Variants in FAAH2 observed in about 807,000 individuals in gnomAD.
FAAH2 encodes the protein fatty acid amide hydrolase 2.
In FAAH2, 60 loss-of-function variants were observed where a neutral mutation model predicts 36.9. The observed-to-expected ratio is 1.63, with a 90% CI of 1.32 to 2.02. FAAH2 has a LOEUF of 2.02. Ranked by LOEUF, FAAH2 falls within the 30% of genes most tolerant of loss-of-function variation. The pLI is 0.00. For synonymous variants in FAAH2, 214 were observed against 143.8 expected, an observed-to-expected ratio of 1.49 and a Z score of -3.49; for missense variants, 689 against 397.5, an observed-to-expected ratio of 1.73 and a Z score of -6.23.
At chrX:57,419,322 A>C (rs755133247) in intron 7 of FAAH2, among the ~76,000 whole-genome samples, 37 of 110,787 alleles carry the variant, frequency 3.3e-4, no homozygotes, top group East Asian at 1.7e-3. Flanking sequence ...GAACTAGTTT[A>C]CAGTCCCACC....
At chrX:57,380,604 A>G (rs936867373) in intron 6 of FAAH2, among the ~76,000 whole-genome samples, 1 of 111,516 alleles carries the variant, frequency 9.0e-6, no homozygotes, top group Non-Finnish European at 1.9e-5. Flanking sequence ...ACATCTTTAC[A>G]TATCTCTCCC....
intron 10 of FAAH2, among the ~76,000 whole-genome samples, chrX:57,476,272 G>A (rs768590993): frequency 9.0e-6 from 1 of 110,973 alleles, no homozygotes; most frequent in African/African-American, 3.3e-5. Context: ...CTTGTCTTCT[G>A]CTGGGTTTCA....
chrX:57,314,478 T>C (rs1291679974), intron 3 of FAAH2, among the ~76,000 whole-genome samples: 1 of 111,423 alleles, frequency 9.0e-6, no homozygotes, highest in Non-Finnish European at 1.9e-5. Flanking sequence ...ACACGGTCAG[T>C]CATACTTCAA....
At chrX:57,249,222 A>G in the FAAH2 span, among the ~76,000 whole-genome samples, 1 of 111,724 alleles carries the variant, frequency 9.0e-6, no homozygotes, top group East Asian at 2.8e-4. Flanking sequence ...AGCAACCAGA[A>G]CAGTCAGTTT....
At chrX:57,151,670 T>C in the FAAH2 span, among the ~76,000 whole-genome samples, 1 of 111,467 alleles carries the variant, frequency 9.0e-6, no homozygotes, top group Non-Finnish European at 1.9e-5. Flanking sequence ...TCTAATTTTT[T>C]TTTCAAAGTT....
At chrX:57,280,442 A>C in the FAAH2 span, among the ~76,000 whole-genome samples, 2 of 111,387 alleles carry the variant, frequency 1.8e-5, no homozygotes, top group Non-Finnish European at 3.8e-5. Context: ...TATAGATGTC[A>C]TATAAGCTTA....
chrX:57,124,338 G>A, the FAAH2 span, among the ~76,000 whole-genome samples: 13 of 110,678 alleles, frequency 1.2e-4, no homozygotes, highest in Admixed American at 1.9e-4. Flanking sequence ...ATTTCTGAGG[G>A]CTCTGTTCTG....
rs756221751 is a variant in FAAH2, at chrX:57,392,921, G to C, written c.996+11892G>C. ...CTTCAGCTTTGTGTTGAGCTTTGAG[G>C]AGTAATTCAATGTTGTCTGCTCCAT... On this transcript the variant is annotated intron_variant, in intron 7 of 10. Coordinates refer to ENST00000374900, the MANE Select transcript of FAAH2 (RefSeq NM_174912.4). 3.9e-5 allele frequency: 34 copies of C among 878,480 alleles called. No individual in the cohort carries two copies. In the South Asian group the frequency reaches 6.2e-4, roughly 16 times the overall value. 72.4% of individuals were successfully genotyped at this position (878,480 alleles called of 1,213,427 possible). A position where few individuals can be genotyped will look rare whatever the true frequency, so the allele number is the denominator to read the frequency against.
At chrX:57,424,078 C>A (rs945957348) in intron 7 of FAAH2, among the ~76,000 whole-genome samples, 2 of 111,860 alleles carry the variant, frequency 1.8e-5, no homozygotes, top group African/African-American at 3.3e-5. Context: ...GTCTTGAACC[C>A]ACTTACCCAC....
the FAAH2 span, among the ~76,000 whole-genome samples, chrX:57,140,157 T>C: frequency 9.0e-6 from 1 of 111,543 alleles, no homozygotes; most frequent in Non-Finnish European, 1.9e-5. Flanking sequence ...TTTTACACAG[T>C]TGGCATTTGT....
At chrX:57,123,720 T>C in the FAAH2 span, among the ~76,000 whole-genome samples, 1 of 112,534 alleles carries the variant, frequency 8.9e-6, no homozygotes, top group African/African-American at 3.2e-5. Context: ...TGGTATCTCA[T>C]TGTGGTTTTG....
At chrX:57,258,537 G>A in the FAAH2 span, among the ~76,000 whole-genome samples, 10 of 110,733 alleles carry the variant, frequency 9.0e-5, no homozygotes, top group African/African-American at 3.0e-4. Flanking sequence ...ATATGTGTAA[G>A]CCATATATGT....
chrX:57,393,220 A>C, intron 7 of FAAH2: 1 of 1,201,051 alleles, frequency 8.3e-7, no homozygotes, highest in Non-Finnish European at 1.1e-6. Flanking sequence ...TGGCATTTTC[A>C]GTTTGTTTCT....
At chrX:57,379,151 AC>A (rs2054768411) in intron 6 of FAAH2, among the ~76,000 whole-genome samples, 1 of 111,724 alleles carries the variant, frequency 9.0e-6, no homozygotes, top group Admixed American at 9.5e-5. Flanking sequence ...CTAGGCATCA[AC>A]GCTGCTTGGA....
the FAAH2 span, among the ~76,000 whole-genome samples, chrX:57,228,863 C>T: frequency 1.8e-5 from 2 of 111,098 alleles, no homozygotes; most frequent in Non-Finnish European, 3.8e-5. Context: ...ATAAATGCAA[C>T]GTCAGAAGCA....
the FAAH2 span, among the ~76,000 whole-genome samples, chrX:57,276,875 GA>G: frequency 8.1e-5 from 9 of 111,226 alleles, no homozygotes; most frequent in Non-Finnish European, 1.7e-4. Flanking sequence ...ACAAAACCAG[GA>G]AAAAGTTCAA....
chrX:57,222,331 C>T, the FAAH2 span, among the ~76,000 whole-genome samples: 7,894 of 111,344 alleles, frequency 0.071, 700 homozygotes, highest in African/African-American at 0.25. Context: ...AAGGCTCTCA[C>T]CTCAGCCTCA....
chrX:57,323,629 T>C lies in FAAH2; in HGVS notation c.413-7969T>C, dbSNP rs755999464. On this transcript the variant is annotated intron_variant, in intron 3 of 10. Coordinates refer to ENST00000374900, the MANE Select transcript of FAAH2 (RefSeq NM_174912.4). Reference sequence around the variant, plus strand: ...CATGTGTCTTTTGGCTGCATAAATGTCTTCTTTTGAGAAGTGTCTGTTCAT... The same window carrying C: ...CATGTGTCTTTTGGCTGCATAAATGCCTTCTTTTGAGAAGTGTCTGTTCAT... 3.6e-5 allele frequency among the ~76,000 whole-genome samples: 4 copies of C among 111,243 alleles called. 1 individual carries two copies. In the East Asian group the frequency reaches 1.1e-3, roughly 31 times the overall value.
At chrX:57,245,520 TCAAA>T in the FAAH2 span, among the ~76,000 whole-genome samples, 1 of 111,823 alleles carries the variant, frequency 8.9e-6, no homozygotes, top group African/African-American at 3.2e-5. Flanking sequence ...GGAAATCATA[TCAAA>T]CAGTCTCTCA....
Sources: allele counts gnomAD v4.1 joint callset (sites outside exome capture counted in the v4.1 genomes callset), GRCh38; gene constraint gnomAD v4.1.1; transcripts MANE v1.5; gene names NCBI Gene and HGNC (gene_info 2026-07-23, HGNC 2026-07-21).